Variants in PLEKHA2 observed in about 807,000 individuals in gnomAD.
The protein encoded by PLEKHA2 is pleckstrin homology domain containing A2, also known as pleckstrin homology domain-containing family A member 2.
In PLEKHA2, 28 loss-of-function variants were observed where a neutral mutation model predicts 53.2. The ratio of observed to expected loss-of-function variants is 0.53; its 90% confidence interval spans 0.39 to 0.72. PLEKHA2 has a LOEUF of 0.72. Ranked by LOEUF, PLEKHA2 falls within the 30% of genes least tolerant of loss-of-function variation. PLEKHA2 has a pLI of 0.00. For synonymous variants in PLEKHA2, 193 were observed against 196.4 expected (o/e 0.98, Z 0.14); for missense variants, 426 against 537.9 (o/e 0.79, Z 2.06).
At chr8:38,935,740 G>A (rs747081666) in intron 2 of PLEKHA2, among the ~76,000 whole-genome samples, 6 of 152,128 alleles carry the variant, frequency 3.9e-5, no homozygotes, top group Non-Finnish European at 5.9e-5. Flanking sequence ...TTTTACCACT[G>A]TACTAGAATA....
chr8:38,945,153 A>G (rs1834687425), intron 4 of PLEKHA2, among the ~76,000 whole-genome samples: 2 of 152,224 alleles, frequency 1.3e-5, no homozygotes, highest in South Asian at 4.1e-4. Flanking sequence ...CTTGGCTCCT[A>G]CTATGTTCTC....
intron 2 of PLEKHA2, among the ~76,000 whole-genome samples, chr8:38,918,662 C>A (rs771478143): frequency 4.4e-5 from 6 of 135,026 alleles, no homozygotes; most frequent in African/African-American, 1.6e-4. Flanking sequence ...CATACACACA[C>A]CCCCATACAC....
At chr8:38,964,085 T>G (rs1310349992) in intron 10 of PLEKHA2, among the ~76,000 whole-genome samples, 1 of 152,168 alleles carries the variant, frequency 6.6e-6, no homozygotes, top group Non-Finnish European at 1.5e-5. Context: ...TCTGGCCAGA[T>G]GTAAGAAGAG....
At chr8:38,936,364 A>G (rs1010690048) in intron 3 of PLEKHA2, among the ~76,000 whole-genome samples, 1 of 152,178 alleles carries the variant, frequency 6.6e-6, no homozygotes, top group Non-Finnish European at 1.5e-5. Context: ...TACATGATCC[A>G]TGACCTTTTT....
At chr8:38,935,898 C>T (rs1457411013) in intron 2 of PLEKHA2, 96 bp from the exon 3 acceptor site, 1 of 1,167,912 alleles carries the variant, frequency 8.6e-7, no homozygotes, top group Non-Finnish European at 1.3e-6. Flanking sequence ...CTCAGTGTTG[C>T]CAGGAAAGTG....
chr8:38,950,999 C>T lies in PLEKHA2; in HGVS notation c.486+9C>T, dbSNP rs767786939. On this transcript the variant is annotated intron_variant, in intron 6 of 11. Coordinates refer to ENST00000617275, the MANE Select transcript of PLEKHA2 (RefSeq NM_021623.2). ...ACACACCCATCAGCCAGGTGAGGGG[C>T]CTGACTGGGGCTGCGGGGGGAGTGG... 2 of 1,597,108 alleles carry T rather than the reference C, an allele frequency of 1.3e-6. No homozygotes were observed. Among genetic ancestry groups the T allele is most frequent in the Non-Finnish European group, 1.7e-6 (2 of 1,170,526 alleles).
At chr8:38,939,626 A>G (rs2129419912) in intron 3 of PLEKHA2, among the ~76,000 whole-genome samples, 1 of 152,356 alleles carries the variant, frequency 6.6e-6, no homozygotes, top group South Asian at 2.1e-4. Flanking sequence ...CAGGCTGGCT[A>G]ATCAGTTGTG....
In PLEKHA2 at chr8:38,937,870, C is replaced by T. The variant is rs28522832; in HGVS notation, c.198+1820C>T. On this transcript the variant is annotated intron_variant, in intron 3 of 11. Coordinates refer to ENST00000617275, the MANE Select transcript of PLEKHA2 (RefSeq NM_021623.2). ...CTTCTTGGAGGAGAGCGCTTGCCAC[C>T]GTGTCAGGTGGCCTGGCCAGAGGGC... Among the ~76,000 whole-genome samples the T allele has an allele frequency of 7.5e-3, 1,137 of 152,298 alleles. 19 individuals are homozygous for T. Among genetic ancestry groups the T allele is most frequent in the African/African-American group, 0.025 (1,056 of 41,562 alleles).
chr8:38,923,739 A>G (rs1444182207), intron 2 of PLEKHA2, among the ~76,000 whole-genome samples: 3 of 152,188 alleles, frequency 2.0e-5, no homozygotes, highest in Non-Finnish European at 4.4e-5. Flanking sequence ...CCCCCTTCAT[A>G]GAGGAGGTGT....
At chr8:38,939,417 C>T (rs1834557558) in intron 3 of PLEKHA2, among the ~76,000 whole-genome samples, 1 of 152,190 alleles carries the variant, frequency 6.6e-6, no homozygotes, top group Admixed American at 6.5e-5. Context: ...GTTGGTTTGC[C>T]GAATCGCCCT....
rs372441835 is a variant in PLEKHA2, at chr8:38,968,549, T to C, written c.838-43T>C. 32 of 1,593,830 alleles carry C rather than the reference T, an allele frequency of 2.0e-5. No homozygotes were observed. In the African/African-American group the frequency reaches 3.0e-4, roughly 15 times the overall value. On this transcript the variant is annotated intron_variant, in intron 10 of 11. Transcript: ENST00000617275. ...GTCAGAGACTTGGAAGCTGAAATCA[T>C]AGTGCCTAAAATTTCTTGGTAAGAG...
At chr8:38,914,457 C>A (rs1302372007) in intron 1 of PLEKHA2, among the ~76,000 whole-genome samples, 4 of 152,226 alleles carry the variant, frequency 2.6e-5, no homozygotes, top group African/African-American at 7.2e-5. Flanking sequence ...AGTACCGGGG[C>A]TGTTGGGTCT....
rs1047657665 is a variant in PLEKHA2, at chr8:38,972,665, A to G, written c.*2882A>G. 3.9e-5 allele frequency: 6 copies of G among 152,240 alleles called. No individual in the cohort carries two copies. Among genetic ancestry groups the G allele is most frequent in the African/African-American group, 1.4e-4 (6 of 41,460 alleles). The allele number at this position is 152,240 out of a possible 1,614,324, so 9.4% of individuals were successfully genotyped here. On this transcript the variant is annotated 3_prime_UTR_variant, in exon 12 of 12. Transcript: ENST00000617275. ...ACCAAAGATGGTACGTATTTGACCA[A>G]AGCAGTTAGTTTTAAATGTATAAAA...
intron 7 of PLEKHA2, 45 bp from the exon 8 acceptor site, chr8:38,952,591 T>C (rs1159711154): frequency 5.7e-6 from 9 of 1,572,330 alleles, no homozygotes; most frequent in African/African-American, 2.7e-5. Flanking sequence ...TCCACAATGC[T>C]GGGCACCTCT....
At chr8:38,964,850 C>A (rs1835104470) in intron 10 of PLEKHA2, among the ~76,000 whole-genome samples, 1 of 114,464 alleles carries the variant, frequency 8.7e-6, no homozygotes, top group African/African-American at 3.3e-5. Context: ...CTTGTTACTT[C>A]CCTTTTTTTT....
intron 3 of PLEKHA2, among the ~76,000 whole-genome samples, chr8:38,936,330 G>C (rs1229807491): frequency 6.6e-6 from 1 of 152,208 alleles, no homozygotes; most frequent in Non-Finnish European, 1.5e-5. Context: ...GTGTTATGTG[G>C]TGGTGGAGCT....
At chr8:38,958,489 C>T (rs866384614) in intron 10 of PLEKHA2, among the ~76,000 whole-genome samples, 4 of 152,188 alleles carry the variant, frequency 2.6e-5, no homozygotes, top group African/African-American at 9.7e-5. Context: ...GGAGCTGGTC[C>T]GCTTTCCCAT....
At chr8:38,949,689 G>C (rs960721497) in intron 5 of PLEKHA2, among the ~76,000 whole-genome samples, 4 of 152,186 alleles carry the variant, frequency 2.6e-5, no homozygotes, top group African/African-American at 7.2e-5. Flanking sequence ...ATAATTATTA[G>C]TAACAACGTG....
At chr8:38,916,132 C>T (rs1338650751) in intron 1 of PLEKHA2, among the ~76,000 whole-genome samples, 1 of 152,012 alleles carries the variant, frequency 6.6e-6, no homozygotes, top group Non-Finnish European at 1.5e-5. Flanking sequence ...TGCGCCACCA[C>T]GACTGGCTAA....
Sources: gnomAD v4.1 joint callset for allele counts (sites outside exome capture counted in the v4.1 genomes callset) on GRCh38, gnomAD v4.1.1 for gene constraint, MANE v1.5 for transcripts, NCBI Gene and HGNC (gene_info 2026-07-23, HGNC 2026-07-21) for gene names.